Variants in PLCG2 observed in about 807,000 individuals in gnomAD.
PLCG2 encodes the protein 1-phosphatidylinositol 4,5-bisphosphate phosphodiesterase gamma-2.
Under a neutral mutation model 175.6 loss-of-function variants are expected in PLCG2, and 69 were observed. That is an observed-to-expected ratio of 0.39 (90% CI 0.32 to 0.48). PLCG2 has a LOEUF of 0.48. Ranked by LOEUF, PLCG2 falls within the 20% of genes least tolerant of loss-of-function variation. PLCG2 has a pLI of 0.91. For missense variants in PLCG2, 1,798 were observed against 1,650.9 expected (o/e 1.09, Z -1.54); for synonymous variants, 827 against 624.0 (o/e 1.33, Z -4.85).
chr16:81,781,038 CA>C (rs1305274339), intron 1 of PLCG2, among the ~76,000 whole-genome samples: 1 of 151,064 alleles, frequency 6.6e-6, no homozygotes, highest in Non-Finnish European at 1.5e-5. Flanking sequence ...GACAAACAAA[CA>C]AACAAACAAA....
Position 81,836,489 on chromosome 16 carries a change from C to T in PLCG2, c.194-17955C>T, listed in dbSNP as rs1488566266. ...GGCAAGGTGACTCATGCCTGTAATT[C>T]CAGCACTTTGGGAGGGTGAGGTGGG... On this transcript the variant is annotated intron_variant, in intron 2 of 32. Transcript: ENST00000564138. Among the ~76,000 whole-genome samples, 4 of 152,156 alleles carry T rather than the reference C, an allele frequency of 2.6e-5. No homozygotes were observed. The East Asian group carries it at 7.7e-4, about 29-fold the overall frequency.
chr16:81,776,101 T>TTTTCTTTCTTTCTTTC (rs770091973), upstream of PLCG2, among the ~76,000 whole-genome samples: 9 of 55,362 alleles, frequency 1.6e-4, no homozygotes, highest in Middle Eastern at 7.9e-3. Flanking sequence ...TTCTTTCTTT[T>TTTTCTTTCTTTCTTTC]TTTCCTTCTT....
At chr16:81,935,833 A>G (rs1288102789) in intron 26 of PLCG2, 1 of 984,982 alleles carries the variant, frequency 1.0e-6, no homozygotes, top group African/African-American at 1.7e-5. Flanking sequence ...ATCTTCTCCT[A>G]CCCAAAACCA....
chr16:81,935,752 T>G lies in PLCG2; in HGVS notation c.2843-417T>G, dbSNP rs1453683672. On this transcript the variant is annotated intron_variant, in intron 26 of 32. Transcript: ENST00000564138. ...GGCACCCACATTGCAACCCTACCTG[T>G]GGGCTTTGGCAGGTGATTCTCAGTT... is the stretch of plus-strand genomic sequence containing the variant. The G allele has an allele frequency of 4.1e-6, 4 of 985,270 alleles. No homozygotes were observed. In the African/African-American group the frequency reaches 5.2e-5, roughly 13 times the overall value. The allele number at this position is 985,270 out of a possible 1,614,324, so 61.0% of individuals were successfully genotyped here.
intron 28 of PLCG2, 73 bp from the exon 29 acceptor site, chr16:81,938,728 C>A (rs181477368): frequency 8.3e-6 from 7 of 845,020 alleles, no homozygotes; most frequent in Admixed American, 4.2e-5. Flanking sequence ...ACTCTAGAAC[C>A]CAGCTGCAAT....
In PLCG2 at chr16:81,816,627, C is replaced by T. The variant is rs375983971; in HGVS notation, c.193+30445C>T. On this transcript the variant is annotated intron_variant, in intron 2 of 32. Coordinates refer to ENST00000564138, the MANE Select transcript of PLCG2 (RefSeq NM_002661.5). ...ACAAGTAGCTGGGACTACAGGCATG[C>T]ACCACCATGCCCAGCTAATTTTAAT... Among the ~76,000 whole-genome samples the T allele has an allele frequency of 2.3e-4, 35 of 149,072 alleles. No homozygotes were observed. The South Asian group carries it at 6.1e-3, about 26-fold the overall frequency.
Position 81,928,634 on chromosome 16 carries a change from C to T in PLCG2, c.2581+10C>T, listed in dbSNP as rs367866295. On this transcript the variant is annotated intron_variant, in intron 24 of 32. Transcript: ENST00000564138. ...AATACCTATAACGTCGGTACGTGCA[C>T]ACATCATCTTAGCCTGGATTTCCAC... 6.3e-7 allele frequency: 1 copy of T among 1,578,942 alleles called. No homozygotes were observed. The highest frequency in any genetic ancestry group is 8.7e-7 in the Non-Finnish European group (1 of 1,147,952).
intron 5 of PLCG2, among the ~76,000 whole-genome samples, chr16:81,860,491 C>T (rs1212816419): frequency 6.6e-6 from 1 of 152,066 alleles, no homozygotes; most frequent in African/African-American, 2.4e-5. Context: ...AATATTTCTA[C>T]CAGTGGGGCA....
At chr16:81,957,176 G>A (rs1044839845) in intron 32 of PLCG2, among the ~76,000 whole-genome samples, 15 of 152,148 alleles carry the variant, frequency 9.9e-5, no homozygotes, top group Admixed American at 9.8e-4. Context: ...GTGGGCGCCT[G>A]TAATCCCAGC....
intron 2 of PLCG2, among the ~76,000 whole-genome samples, chr16:81,809,490 C>G (rs943250983): frequency 6.6e-6 from 1 of 152,178 alleles, no homozygotes; most frequent in African/African-American, 2.4e-5. Flanking sequence ...CCTTCCCTGT[C>G]CACCACCCCA....
chr16:81,787,453 C>T (rs1375992103), intron 2 of PLCG2, among the ~76,000 whole-genome samples: 5 of 119,484 alleles, frequency 4.2e-5, no homozygotes, highest in Admixed American at 3.3e-4. Context: ...GTCTCCAATT[C>T]CTGTGCTCAA....
chr16:81,786,429 A>G (rs1910974919), intron 2 of PLCG2, among the ~76,000 whole-genome samples: 1 of 152,216 alleles, frequency 6.6e-6, no homozygotes, highest in African/African-American at 2.4e-5. Flanking sequence ...TGGAAATGGC[A>G]TTCAGGCAGC....
chr16:81,901,997 C>T (rs1909172169), intron 14 of PLCG2, among the ~76,000 whole-genome samples: 1 of 152,170 alleles, frequency 6.6e-6, no homozygotes, highest in South Asian at 2.1e-4. Context: ...TTGCTTTGTC[C>T]TTGTTTATGT....
At chr16:81,808,370 T>C (rs996439426) in intron 2 of PLCG2, among the ~76,000 whole-genome samples, 1 of 152,090 alleles carries the variant, frequency 6.6e-6, no homozygotes, top group African/African-American at 2.4e-5. Context: ...GGGCACCCTT[T>C]TAGAGAGAGA....
intron 11 of PLCG2, among the ~76,000 whole-genome samples, chr16:81,891,921 G>A (rs1197291654): frequency 3.3e-5 from 5 of 152,222 alleles, no homozygotes; most frequent in Non-Finnish European, 2.9e-5. Context: ...CCACAGCAAA[G>A]CAATTCAGTG....
At position 81,822,802 on chromosome 16, in the gene PLCG2, G is replaced by A. The variant is rs192698225; in HGVS notation, c.194-31642G>A. On this transcript the variant is annotated intron_variant, in intron 2 of 32. Coordinates refer to ENST00000564138, the MANE Select transcript of PLCG2 (RefSeq NM_002661.5). ...AAAAAGAAAAAGGCAGGAGATCAGA[G>A]TGAGTAGAAGACAATGGCAAGATGA... Among the ~76,000 whole-genome samples, 31 of 149,492 alleles carry A rather than the reference G, an allele frequency of 2.1e-4. 1 individual carries two copies. The East Asian group carries it at 2.7e-3, about 13-fold the overall frequency.
rs148559002 is a variant in PLCG2, at chr16:81,962,100, G to A, written c.*4102G>A. 3.2e-5 allele frequency: 6 copies of A among 185,530 alleles called. No individual in the cohort carries two copies. The highest frequency in any genetic ancestry group is 5.7e-5 in the Non-Finnish European group (5 of 87,074). 11.5% of individuals were successfully genotyped at this position (185,530 alleles called of 1,614,324 possible). On this transcript the variant is annotated 3_prime_UTR_variant, in exon 33 of 33. Transcript: ENST00000564138. ...CGACCAACCCCGATAGAGGAGGACC[G>A]GTCTTCGGTCAAGGGTATACGAGTA... is the stretch of plus-strand genomic sequence containing the variant.
At chr16:81,909,279 C>T (rs1676629347) in intron 17 of PLCG2, among the ~76,000 whole-genome samples, 1 of 151,988 alleles carries the variant, frequency 6.6e-6, no homozygotes, top group African/African-American at 2.4e-5. Flanking sequence ...GACATCCCTC[C>T]CTTTATTGGG....
intron 2 of PLCG2, among the ~76,000 whole-genome samples, chr16:81,793,646 G>A (rs1257057091): frequency 6.6e-6 from 1 of 152,156 alleles, no homozygotes; most frequent in Non-Finnish European, 1.5e-5. Flanking sequence ...TGTTTCCTTG[G>A]TATTAGGTTC....
Sources: allele counts gnomAD v4.1 joint callset (sites outside exome capture counted in the v4.1 genomes callset), GRCh38; gene constraint gnomAD v4.1.1; transcripts MANE v1.5; gene names NCBI Gene and HGNC (gene_info 2026-07-23, HGNC 2026-07-21).